SEC63: variants seen among roughly 807,000 people sequenced by gnomAD.
The protein encoded by SEC63 is SEC63 protein translocation regulator, also known as translocation protein SEC63 homolog.
In SEC63, 56 loss-of-function variants were observed where a neutral mutation model predicts 116.2. That is an observed-to-expected ratio of 0.48 (90% CI 0.39 to 0.60). The LOEUF (loss-of-function observed/expected upper bound fraction) is 0.60. SEC63 is among the 20% of genes least tolerant of loss of function. The pLI is 0.00. For missense variants in SEC63, 668 were observed against 900.0 expected (o/e 0.74, Z 3.30); for synonymous variants, 273 against 294.6 (o/e 0.93, Z 0.75).
At chr6:107,940,433 A>G (rs1227530027) in intron 1 of SEC63, among the ~76,000 whole-genome samples, 1 of 152,202 alleles carries the variant, frequency 6.6e-6, no homozygotes, top group Admixed American at 6.5e-5. Context: ...CATCAGCACT[A>G]CTGACATTTT....
In SEC63 at chr6:107,924,689, C is replaced by T. The variant is rs1173392459; in HGVS notation, c.339+129G>A. On this transcript the variant is annotated intron_variant, in intron 3 of 20. Coordinates refer to ENST00000369002, the MANE Select transcript of SEC63 (RefSeq NM_007214.5). ...ATTATAATAACAGAGGATTAGACATCTTATTTTAATAAACAAACTGACCAA... is the reference window on the plus strand; with the variant it reads ...ATTATAATAACAGAGGATTAGACATTTTATTTTAATAAACAAACTGACCAA... 18 of 644,584 alleles carry T rather than the reference C, an allele frequency of 2.8e-5. No individual in the cohort carries two copies. The East Asian group carries it at 4.9e-4, about 18-fold the overall frequency. The allele number at this position is 644,584 out of a possible 1,614,324, so 39.9% of individuals were successfully genotyped here.
chr6:107,881,154 G>C lies in SEC63; in HGVS notation c.1930C>G (p.Pro644Ala), dbSNP rs758006300. 6.2e-7 allele frequency: 1 copy of C among 1,601,646 alleles called. No individual in the cohort carries two copies. The highest frequency in any genetic ancestry group is 1.1e-5 in the South Asian group (1 of 90,810). The stretch of plus-strand genomic sequence containing the variant: ...GTAGCCTGTATATAACTCACCTCAG[G>C]AAAGTAAAGGCTATACACAGGATGT... ...ITHPVYSLYF[P>A]EEKQEWWWLY... Residue 644 changes from proline to alanine, a missense_variant, in exon 18 of 21, where the codon CCT becomes GCT. Physicochemically the swap from Pro to Ala is conservative, Grantham distance 27 (BLOSUM62 -1). Around this residue, in one of 5 missense-constraint regions of SEC63, gnomAD observed 430 missense variants for 557.5 expected, o/e 0.77. Coordinates refer to ENST00000369002, the MANE Select transcript of SEC63 (RefSeq NM_007214.5).
intron 10 of SEC63, 49 bp downstream of exon 10, chr6:107,906,399 T>C: frequency 6.3e-7 from 1 of 1,598,056 alleles, no homozygotes; most frequent in South Asian, 1.1e-5. Context: ...TAATTAATTC[T>C]GCTGCTTTCA....
chr6:107,896,194 T>A (rs1034305686), intron 14 of SEC63, among the ~76,000 whole-genome samples: 6 of 152,156 alleles, frequency 3.9e-5, no homozygotes, highest in Non-Finnish European at 1.5e-5. Context: ...CTGGGCGCAG[T>A]TGCTCATGCC....
intron 10 of SEC63, among the ~76,000 whole-genome samples, chr6:107,905,354 A>T (rs1787126839): frequency 1.3e-5 from 2 of 152,292 alleles, no homozygotes; most frequent in Middle Eastern, 3.4e-3. Flanking sequence ...TTCCACCATA[A>T]GCATCCTGTC....
intron 1 of SEC63, among the ~76,000 whole-genome samples, chr6:107,931,045 T>G (rs1787794384): frequency 6.6e-6 from 1 of 151,504 alleles, no homozygotes; most frequent in African/African-American, 2.4e-5. Flanking sequence ...GCTATTATTT[T>G]AAGGCTGGGT....
At position 107,912,793 on chromosome 6, in the gene SEC63, C is replaced by T; in HGVS notation, c.515-19G>A. 2 of 1,588,322 alleles carry T rather than the reference C, an allele frequency of 1.3e-6. No individual in the cohort carries two copies. On this transcript the variant is annotated intron_variant, in intron 5 of 20. Transcript: ENST00000369002. ...CTTGTGGCTGAAATAGAAAAAATAT[C>T]AGTTTCTGAAGAATCTCTACTTTCA...
At chr6:107,881,064 A>G in intron 18 of SEC63, 85 bp downstream of exon 18, 2 of 958,186 alleles carry the variant, frequency 2.1e-6, no homozygotes, top group African/African-American at 3.2e-5. Flanking sequence ...ACTAATACAC[A>G]CGACAGAGGG....
chr6:107,922,791 A>ATAGG lies in SEC63; in HGVS notation c.340-883_340-882insCCTA, dbSNP rs752886425. Among the ~76,000 whole-genome samples, 30 of 151,896 alleles carry ATAGG rather than the reference A, an allele frequency of 2.0e-4. 2 individuals are homozygous for ATAGG. Among genetic ancestry groups the ATAGG allele is most frequent in the Admixed American group, 1.4e-3 (21 of 15,274 alleles). On this transcript the variant is annotated intron_variant, in intron 3 of 20. Coordinates refer to ENST00000369002, the MANE Select transcript of SEC63 (RefSeq NM_007214.5). Reference sequence around the variant, plus strand: ...CACATGATATGTAAACTTTTCTTCTACAAAACAGAAAACTAGATGATACAC... The same window carrying ATAGG: ...CACATGATATGTAAACTTTTCTTCTATAGGCAAAACAGAAAACTAGATGATACAC...
intron 1 of SEC63, among the ~76,000 whole-genome samples, chr6:107,935,414 A>T (rs1430629825): frequency 6.6e-6 from 1 of 150,980 alleles, no homozygotes; most frequent in Non-Finnish European, 1.5e-5. Flanking sequence ...AAAGAAGTAG[A>T]CATGGGAGAC....
intron 13 of SEC63, among the ~76,000 whole-genome samples, chr6:107,898,198 G>A (rs1212411531): frequency 1.3e-5 from 2 of 151,380 alleles, no homozygotes; most frequent in Non-Finnish European, 1.5e-5. Context: ...GGGAGCCGGA[G>A]GTTGCAGTGA....
At position 107,930,505 on chromosome 6, in the gene SEC63, G is replaced by A. The variant is rs563893895; in HGVS notation, c.125-991C>T. Reference sequence around the variant, plus strand: ...GCCTGTAATCCCAGCTACTTGGGAGGCTGAGGCAGGAGAACTGCTTGAACC... The same window carrying A: ...GCCTGTAATCCCAGCTACTTGGGAGACTGAGGCAGGAGAACTGCTTGAACC... On this transcript the variant is annotated intron_variant, in intron 1 of 20. Coordinates refer to ENST00000369002, the MANE Select transcript of SEC63 (RefSeq NM_007214.5). Among the ~76,000 whole-genome samples, 6 of 151,968 alleles carry A rather than the reference G, an allele frequency of 3.9e-5. No homozygotes were observed. In the South Asian group the frequency reaches 1.2e-3, roughly 32 times the overall value.
In SEC63 at chr6:107,912,645, A is replaced by AC; in HGVS notation, c.573+70dup. 5.8e-6 allele frequency: 5 copies of AC among 867,932 alleles called. No homozygotes were observed. In the South Asian group the frequency reaches 6.9e-5, roughly 12 times the overall value. 53.8% of individuals were successfully genotyped at this position (867,932 alleles called of 1,614,324 possible). On this transcript the variant is annotated intron_variant, in intron 6 of 20. Transcript: ENST00000369002. ...TCTTTGTAATAGTTCTTCTTGTATT[A>AC]CCAAGACAGATTGTACATAACAAAA...
At chr6:107,888,499 C>G (rs933506410) in intron 16 of SEC63, among the ~76,000 whole-genome samples, 1 of 152,112 alleles carries the variant, frequency 6.6e-6, no homozygotes, top group African/African-American at 2.4e-5. Flanking sequence ...TGGGCTGAGA[C>G]GATGGGGTTT....
In SEC63 at chr6:107,956,635, C is replaced by T. The variant is rs151240641; in HGVS notation, c.124+1251G>A. Reference sequence around the variant, plus strand: ...ATGGATTTTTAAACTTATTGTCAAACGTACAAAATGATGCAATCCTTTGTT... The same window carrying T: ...ATGGATTTTTAAACTTATTGTCAAATGTACAAAATGATGCAATCCTTTGTT... On this transcript the variant is annotated intron_variant, in intron 1 of 20. Coordinates refer to ENST00000369002, the MANE Select transcript of SEC63 (RefSeq NM_007214.5). Among the ~76,000 whole-genome samples, 670 of 152,204 alleles carry T rather than the reference C, an allele frequency of 4.4e-3. 4 individuals carry two copies. The highest frequency in any genetic ancestry group is 0.015 in the African/African-American group (629 of 41,526).
intron 7 of SEC63, chr6:107,911,090 T>C (rs964680237): frequency 1.9e-5 from 9 of 481,526 alleles, no homozygotes; most frequent in Middle Eastern, 5.7e-4. Flanking sequence ...ATTAAAAGTA[T>C]AGTTATATAA....
Position 107,902,878 on chromosome 6 carries a change from T to C in SEC63, c.1175A>G (p.Glu392Gly), listed in dbSNP as rs764652708. The C allele has an allele frequency of 3.1e-6, 5 of 1,614,046 alleles. No individual in the cohort carries two copies. Among genetic ancestry groups the C allele is most frequent in the Non-Finnish European group, 8.5e-7 (1 of 1,179,940 alleles). Reference sequence around the variant, plus strand: ...ATTAGAAACCCGTCTAAGATTGTCCTCTTCAATATGAGGGAGCTGCAGAAG... The same window carrying C: ...ATTAGAAACCCGTCTAAGATTGTCCCCTTCAATATGAGGGAGCTGCAGAAG... ...SPLLQLPHIEEDNLRRVSNHK... is the reference protein window; with the variant it reads ...SPLLQLPHIEGDNLRRVSNHK... The change falls in exon 12 of 21, where the codon GAG (glutamate) becomes GGG (glycine). Residue 392 changes from glutamate to glycine, a missense_variant. This residue lies in a region of SEC63 where 430 missense variants were observed against 557.5 expected (regional missense o/e 0.77). Transcript: ENST00000369002.
intron 1 of SEC63, among the ~76,000 whole-genome samples, chr6:107,941,024 G>A (rs555803562): frequency 6.6e-6 from 1 of 152,172 alleles, no homozygotes; most frequent in South Asian, 2.1e-4. Flanking sequence ...AGAAACTCAA[G>A]TACTAGGAAA....
intron 7 of SEC63, 64 bp from the exon 8 acceptor site, chr6:107,909,099 G>A (rs1463563474): frequency 8.8e-7 from 1 of 1,135,432 alleles, no homozygotes; most frequent in African/African-American, 1.5e-5. Context: ...TGGGCGAGAT[G>A]GCTCATTCCT....
Sources: gnomAD v4.1 joint callset for allele counts (sites outside exome capture counted in the v4.1 genomes callset) on GRCh38, gnomAD v4.1.1 for gene constraint, gnomAD v4.1.1 regional missense constraint, MANE v1.5 for transcripts, NCBI Gene and HGNC (gene_info 2026-07-23, HGNC 2026-07-21) for gene names.